Variants in GABBR2 observed in about 807,000 individuals in gnomAD.
GABBR2 encodes G-protein coupled receptor 51.
A neutral mutation model predicts 105.6 loss-of-function variants in GABBR2; 23 were observed. The ratio of observed to expected loss-of-function variants is 0.22; its 90% CI spans 0.16 to 0.31. The LOEUF is 0.31. Ranked by LOEUF, GABBR2 falls within the 10% of genes least tolerant of loss-of-function variation. GABBR2 has a pLI of 1.00. For missense variants in GABBR2, 734 were observed against 1,245.5 expected, an observed-to-expected ratio of 0.59 and a Z score of 6.18; for synonymous variants, 478 against 499.7, an observed-to-expected ratio of 0.96 and a Z score of 0.58.
intron 7 of GABBR2, among the ~76,000 whole-genome samples, chr9:98,428,833 C>T (rs747559493): frequency 6.6e-6 from 1 of 152,130 alleles, no homozygotes; most frequent in African/African-American, 2.4e-5. Flanking sequence ...CTAGAATGGA[C>T]CTGGCCCAGG....
chr9:98,347,935 AT>A (rs2131417756), intron 13 of GABBR2, among the ~76,000 whole-genome samples: 1 of 152,322 alleles, frequency 6.6e-6, no homozygotes, highest in South Asian at 2.1e-4. Context: ...GGTTTCATAA[AT>A]AGGAGTCCCC....
intron 4 of GABBR2, among the ~76,000 whole-genome samples, chr9:98,490,024 T>C (rs949853557): frequency 6.6e-6 from 1 of 152,048 alleles, no homozygotes; most frequent in African/African-American, 2.4e-5. Context: ...ACCCAGGAAG[T>C]GGAGGTTGCA....
chr9:98,662,324 G>A (rs1031712286), intron 1 of GABBR2, among the ~76,000 whole-genome samples: 2 of 152,098 alleles, frequency 1.3e-5, no homozygotes, highest in South Asian at 2.1e-4. Context: ...CACTATCACA[G>A]GCATTTGAGA....
chr9:98,623,690 C>T (rs1429223038), intron 1 of GABBR2, among the ~76,000 whole-genome samples: 2 of 152,150 alleles, frequency 1.3e-5, no homozygotes, highest in Non-Finnish European at 1.5e-5. Flanking sequence ...CTCTTTGACC[C>T]GTCTTCTGTT....
chr9:98,661,023 A>G (rs902812842), intron 1 of GABBR2, among the ~76,000 whole-genome samples: 1 of 152,106 alleles, frequency 6.6e-6, no homozygotes, highest in Admixed American at 6.5e-5. Flanking sequence ...CTCCTGCTTC[A>G]GCCTCCGGAG....
chr9:98,408,646 T>C (rs1244236033), intron 7 of GABBR2, among the ~76,000 whole-genome samples: 2 of 152,204 alleles, frequency 1.3e-5, no homozygotes, highest in Non-Finnish European at 2.9e-5. Flanking sequence ...GATACCCTTC[T>C]AGGGACTGAT....
chr9:98,488,373 T>C (rs1379083113), intron 4 of GABBR2, among the ~76,000 whole-genome samples: 1 of 152,220 alleles, frequency 6.6e-6, no homozygotes, highest in Non-Finnish European at 1.5e-5. Flanking sequence ...TGGTCAAAGC[T>C]GTCCCCTTAA....
At chr9:98,323,091 G>A (rs1170032513) in intron 13 of GABBR2, among the ~76,000 whole-genome samples, 3 of 152,088 alleles carry the variant, frequency 2.0e-5, no homozygotes, top group Non-Finnish European at 2.9e-5. Context: ...TGAGTGACCC[G>A]CTCCACGTTA....
chr9:98,433,920 G>A (rs1184612954), intron 7 of GABBR2, among the ~76,000 whole-genome samples: 2 of 152,036 alleles, frequency 1.3e-5, no homozygotes, highest in Non-Finnish European at 1.5e-5. Context: ...AATATTGAAT[G>A]TCAACTTGAT....
intron 13 of GABBR2, among the ~76,000 whole-genome samples, chr9:98,313,197 A>G (rs1357324576): frequency 6.6e-6 from 1 of 152,138 alleles, no homozygotes. Context: ...TTTTTTGAGC[A>G]CTTTCTTACT....
At chr9:98,379,189 G>A (rs1434587801) in intron 11 of GABBR2, among the ~76,000 whole-genome samples, 1 of 152,228 alleles carries the variant, frequency 6.6e-6, no homozygotes, top group African/African-American at 2.4e-5. Flanking sequence ...AGTTTTGGTA[G>A]AGCAAGGCCA....
At chr9:98,520,600 A>G (rs1827848412) in intron 3 of GABBR2, among the ~76,000 whole-genome samples, 1 of 152,242 alleles carries the variant, frequency 6.6e-6, no homozygotes, top group Non-Finnish European at 1.5e-5. Flanking sequence ...TGACTCACCC[A>G]GGAGGGTCTG....
At chr9:98,553,677 T>G (rs2131752039) in intron 2 of GABBR2, among the ~76,000 whole-genome samples, 1 of 152,320 alleles carries the variant, frequency 6.6e-6, no homozygotes, top group African/African-American at 2.4e-5. Context: ...GCACGTACCG[T>G]GGAGCAAGCA....
At chr9:98,369,558 G>A (rs1208413734) in intron 12 of GABBR2, among the ~76,000 whole-genome samples, 1 of 152,244 alleles carries the variant, frequency 6.6e-6, no homozygotes, top group Non-Finnish European at 1.5e-5. Flanking sequence ...GTCTAACACG[G>A]CAGATCAGCA....
chr9:98,448,173 C>A (rs976586142), intron 7 of GABBR2, among the ~76,000 whole-genome samples: 1 of 152,008 alleles, frequency 6.6e-6, no homozygotes, highest in African/African-American at 2.4e-5. Flanking sequence ...CTTAATGGGT[C>A]ACTCTCTTTC....
At chr9:98,535,731 A>AGGGAAATAAGAT (rs1828164386) in intron 3 of GABBR2, among the ~76,000 whole-genome samples, 3 of 152,146 alleles carry the variant, frequency 2.0e-5, no homozygotes, top group African/African-American at 7.2e-5. Flanking sequence ...ATGAAAAGAC[A>AGGGAAATAAGAT]TGGCGGAAAG....
chr9:98,688,213 T>G (rs572564206), intron 1 of GABBR2, among the ~76,000 whole-genome samples: 17 of 152,208 alleles, frequency 1.1e-4, no homozygotes, highest in African/African-American at 3.9e-4. Flanking sequence ...CAGTGAATCC[T>G]GAAAAAAGAA....
At position 98,484,482 on chromosome 9, in the gene GABBR2, G is replaced by A. The variant is rs116646994; in HGVS notation, c.733-3485C>T. ...GTGAACACATACTCTGCTTCTAGAC[G>A]GTGAGAAAGAGGGGGAAAGACGCTG... On this transcript the variant is annotated intron_variant, in intron 4 of 18. Coordinates refer to ENST00000259455, the MANE Select transcript of GABBR2 (RefSeq NM_005458.8). Among the ~76,000 whole-genome samples, 200 of 152,238 alleles carry A rather than the reference G, an allele frequency of 1.3e-3. 1 individual carries two copies. Among genetic ancestry groups the A allele is most frequent in the African/African-American group, 4.5e-3 (187 of 41,542 alleles).
chr9:98,618,954 T>C (rs1251681558), intron 1 of GABBR2, among the ~76,000 whole-genome samples: 4 of 152,220 alleles, frequency 2.6e-5, no homozygotes, highest in Non-Finnish European at 5.9e-5. Context: ...GCCTGACTTT[T>C]CTTTTAAAAA....
Sources: gnomAD v4.1 joint callset for allele counts (sites outside exome capture counted in the v4.1 genomes callset) on GRCh38, gnomAD v4.1.1 for gene constraint, MANE v1.5 for transcripts, NCBI Gene and HGNC (gene_info 2026-07-23, HGNC 2026-07-21) for gene names.